FRMD4B: variants seen among roughly 807,000 people sequenced by gnomAD.
FRMD4B encodes the protein FERM domain-containing protein 4B.
FRMD4B carries 74 observed loss-of-function variants against 141.5 expected under a neutral mutation model. The observed-to-expected ratio is 0.52, with a 90% CI of 0.43 to 0.63. The LOEUF (loss-of-function observed/expected upper bound fraction) is 0.63, where lower values mean the gene tolerates loss of function less well. Ranked by LOEUF, FRMD4B falls within the 30% of genes least tolerant of loss-of-function variation. FRMD4B has a pLI of 0.00. For missense variants in FRMD4B, 1,366 were observed against 1,253.4 expected (o/e 1.09, Z -1.36); for synonymous variants, 506 against 467.9 (o/e 1.08, Z -1.05).
In FRMD4B at chr3:69,181,562, A is replaced by C; in HGVS notation, c.2188T>G (p.Ser730Ala). 6.2e-7 allele frequency: 1 copy of C among 1,613,726 alleles called. No individual in the cohort carries two copies. Among genetic ancestry groups the C allele is most frequent in the Non-Finnish European group, 8.5e-7 (1 of 1,179,824 alleles). The stretch of plus-strand genomic sequence containing the variant: ...GTGCTTGATTGGCTTGTATAAGAAG[A>C]CCCGTCATCGAGGATTTCTGTGCTG... ...SSSTEILDDG[S>A]SYTSQSSTEY... The change falls in exon 21 of 23, where the codon TCT becomes GCT. Residue 730 changes from serine to alanine, a missense_variant. Coordinates refer to ENST00000398540, the MANE Select transcript of FRMD4B (RefSeq NM_015123.3).
intron 5 of FRMD4B, among the ~76,000 whole-genome samples, chr3:69,270,711 G>T (rs969395358): frequency 6.6e-6 from 1 of 151,746 alleles, no homozygotes; most frequent in Non-Finnish European, 1.5e-5. Context: ...GACTACAGGC[G>T]CCCGCCATCA....
At chr3:69,381,797 A>C (rs943175116) in intron 1 of FRMD4B, among the ~76,000 whole-genome samples, 7 of 152,204 alleles carry the variant, frequency 4.6e-5, no homozygotes, top group African/African-American at 1.7e-4. Flanking sequence ...ACTAGATTTG[A>C]TATTCTAATG....
chr3:69,534,991 T>A (rs753721904), intron 1 of FRMD4B, among the ~76,000 whole-genome samples: 1 of 152,188 alleles, frequency 6.6e-6, no homozygotes, highest in Non-Finnish European at 1.5e-5. Flanking sequence ...TAGCTAGAAT[T>A]TTTTTTAGTA....
At chr3:69,175,926 G>C (rs1188486556) in intron 22 of FRMD4B, among the ~76,000 whole-genome samples, 2 of 151,738 alleles carry the variant, frequency 1.3e-5, no homozygotes, top group Admixed American at 1.3e-4. Flanking sequence ...GACTACAAGC[G>C]CCCGCCACCA....
At chr3:69,261,631 T>C (rs1009289504) in intron 5 of FRMD4B, among the ~76,000 whole-genome samples, 1 of 152,200 alleles carries the variant, frequency 6.6e-6, no homozygotes, top group African/African-American at 2.4e-5. Flanking sequence ...TCTAAGTTGG[T>C]ATTGTTTTTG....
At chr3:69,189,996 A>G in intron 17 of FRMD4B, 44 bp from the exon 18 acceptor site, 3 of 1,107,790 alleles carry the variant, frequency 2.7e-6, no homozygotes, top group Non-Finnish European at 4.1e-6. Flanking sequence ...GTGCATTTAT[A>G]CAATTAGAGG....
At chr3:69,293,339 T>C (rs1283968746) in intron 4 of FRMD4B, among the ~76,000 whole-genome samples, 1 of 151,968 alleles carries the variant, frequency 6.6e-6, no homozygotes, top group Non-Finnish European at 1.5e-5. Context: ...CTAGCTCCAG[T>C]GCTGATCAGT....
intron 1 of FRMD4B, among the ~76,000 whole-genome samples, chr3:69,355,630 C>G (rs1454389496): frequency 6.6e-6 from 1 of 152,100 alleles, no homozygotes; most frequent in African/African-American, 2.4e-5. Context: ...GCCAGGGCAG[C>G]TTGAGGGCCA....
chr3:69,311,331 C>T lies in FRMD4B; in HGVS notation c.255G>A (p.Leu85=). The T allele has an allele frequency of 6.2e-7, 1 of 1,600,580 alleles. No homozygotes were observed. Among genetic ancestry groups the T allele is most frequent in the Non-Finnish European group, 8.6e-7 (1 of 1,168,604 alleles). Residue 85 remains leucine (L), a synonymous_variant, in exon 3 of 23, where the codon CTG becomes CTA. Transcript: ENST00000398540. The part of the protein sequence containing the change: ...VQPKLLAREL[L]DLVASHFNLK... ...GGTTGAAATGTGAAGCCACTAGGTC[C>T]AGCAACTCTCTTGCTAGAAGTTTGG...
intron 3 of FRMD4B, among the ~76,000 whole-genome samples, chr3:69,310,723 C>G (rs940286504): frequency 2.7e-5 from 4 of 148,968 alleles, no homozygotes; most frequent in African/African-American, 5.0e-5. Flanking sequence ...CAAATATATA[C>G]AACATTCAAC....
intron 21 of FRMD4B, among the ~76,000 whole-genome samples, chr3:69,177,719 C>A (rs2092662735): frequency 1.3e-5 from 2 of 152,108 alleles, no homozygotes; most frequent in Admixed American, 1.3e-4. Context: ...GAAAACAATT[C>A]TCATATATTG....
At chr3:69,357,430 G>A (rs142791712) in intron 1 of FRMD4B, among the ~76,000 whole-genome samples, 52 of 152,306 alleles carry the variant, frequency 3.4e-4, no homozygotes, top group African/African-American at 1.2e-3. Flanking sequence ...AGGTCCAAAT[G>A]AAATATGAGC....
In FRMD4B at chr3:69,169,372, T is replaced by C. The variant is rs1325985782; in HGVS notation, c.*2489A>G. Among the ~76,000 whole-genome samples the C allele has an allele frequency of 6.9e-6, 1 of 145,612 alleles. No individual in the cohort carries two copies. The highest frequency in any genetic ancestry group is 2.7e-5 in the African/African-American group (1 of 37,588). On this transcript the variant is annotated 3_prime_UTR_variant, in exon 23 of 23. Transcript: ENST00000398540. ...TTCTTTCTTTTTTTTTTTTTTTTTT[T>C]TTTCTTGAGACAAGGTCTGTTATTG...
chr3:69,281,767 TG>T (rs1325455797), intron 5 of FRMD4B, among the ~76,000 whole-genome samples: 9 of 149,958 alleles, frequency 6.0e-5, no homozygotes, highest in Non-Finnish European at 1.2e-4. Flanking sequence ...GAGGTTGTAG[TG>T]AGCTGAGATC....
At chr3:69,229,030 T>TTG (rs2093281331) in intron 7 of FRMD4B, among the ~76,000 whole-genome samples, 1 of 148,598 alleles carries the variant, frequency 6.7e-6, no homozygotes. Flanking sequence ...TTTTTTTTTT[T>TTG]TTGTTTTGTT....
chr3:69,270,056 AC>A, intron 5 of FRMD4B, among the ~76,000 whole-genome samples: 1 of 148,926 alleles, frequency 6.7e-6, no homozygotes, highest in Middle Eastern at 3.5e-3. Context: ...TTGCTCTGTC[AC>A]CCAGGCTGGA....
chr3:69,176,777 A>C, intron 21 of FRMD4B, 121 bp from the exon 22 acceptor site: 2 of 651,004 alleles, frequency 3.1e-6, no homozygotes, highest in Non-Finnish European at 5.3e-6. Context: ...GAGGGTTTGA[A>C]ATAACAGAGT....
chr3:69,181,828 T>C, intron 20 of FRMD4B, 118 bp from the exon 21 acceptor site: 1 of 641,078 alleles, frequency 1.6e-6, no homozygotes, highest in Non-Finnish European at 2.7e-6. Context: ...GGACTTTGAG[T>C]TGCCAAAGCT....
At chr3:69,330,437 C>T (rs1702330873) in intron 1 of FRMD4B, among the ~76,000 whole-genome samples, 1 of 144,474 alleles carries the variant, frequency 6.9e-6, no homozygotes, top group Non-Finnish European at 1.5e-5. Context: ...ACCTCTGCCT[C>T]CTGGGTTCAA....
Sources: allele counts gnomAD v4.1 joint callset (sites outside exome capture counted in the v4.1 genomes callset), GRCh38; gene constraint gnomAD v4.1.1; transcripts MANE v1.5; gene names NCBI Gene and HGNC (gene_info 2026-07-23, HGNC 2026-07-21).